The following DNAH6 variants were observed in gnomAD, a reference collection of about 807,000 sequenced individuals.
DNAH6 encodes dynein axonemal heavy chain 6, also known as axonemal beta dynein heavy chain 6.
A neutral mutation model predicts 491.4 loss-of-function variants in DNAH6; 340 were observed. That is an observed-to-expected ratio of 0.69 (90% CI 0.63 to 0.76). The LOEUF (loss-of-function observed/expected upper bound fraction) is 0.76, where lower values mean the gene tolerates loss of function less well. DNAH6 is among the 30% of genes least tolerant of loss of function. DNAH6 has a pLI of 0.00. For missense variants in DNAH6, 4,443 were observed against 4,972.2 expected, an observed-to-expected ratio of 0.89 and a Z score of 3.20; for synonymous variants, 1,603 against 1,686.1, an observed-to-expected ratio of 0.95 and a Z score of 1.21.
chr2:84,658,200 A>G lies in DNAH6; in HGVS notation c.5758-92A>G, dbSNP rs572504586. On this transcript the variant is annotated intron_variant, in intron 35 of 76. Coordinates refer to ENST00000389394, the MANE Select transcript of DNAH6 (RefSeq NM_001370.2). ...GCCTTTGGTCTAAAGGTCACTGAATATATAGAAATATCCAGATTTTAACCA... is the reference window on the plus strand; with the variant it reads ...GCCTTTGGTCTAAAGGTCACTGAATGTATAGAAATATCCAGATTTTAACCA... 171 of 828,740 alleles carry G rather than the reference A, an allele frequency of 2.1e-4. No individual in the cohort carries two copies. The African/African-American group carries it at 2.8e-3, about 14-fold the overall frequency. 51.3% of individuals were successfully genotyped at this position (828,740 alleles called of 1,614,324 possible). A position where few individuals can be genotyped will look rare whatever the true frequency, so the allele number is the denominator to read the frequency against.
intron 37 of DNAH6, among the ~76,000 whole-genome samples, chr2:84,660,870 A>G (rs1014211742): frequency 6.6e-6 from 1 of 152,166 alleles, no homozygotes; most frequent in Non-Finnish European, 1.5e-5. Context: ...TAAGAGACAA[A>G]GTTGAGAGAC....
intron 59 of DNAH6, among the ~76,000 whole-genome samples, chr2:84,721,864 G>A (rs1698195524): frequency 1.3e-5 from 2 of 152,142 alleles, no homozygotes; most frequent in Admixed American, 1.3e-4. Flanking sequence ...TTTCTAGAGA[G>A]AAAAGGATTT....
chr2:84,557,938 A>C lies in DNAH6; in HGVS notation c.1803+3A>C. ...ACACAATTATTTCTCAAATAAAGGT[A>C]TGTTTACTCTGACTAAAACTATTCT... On this transcript the variant is annotated splice_donor_region_variant and intron_variant, in intron 11 of 76. Transcript: ENST00000389394. 6.3e-7 allele frequency: 1 copy of C among 1,578,772 alleles called. No individual in the cohort carries two copies. Among genetic ancestry groups the C allele is most frequent in the Admixed American group, 1.7e-5 (1 of 59,908 alleles).
rs115034113 is a variant in DNAH6, at chr2:84,767,047, G to A, written c.10703+4102G>A. On this transcript the variant is annotated intron_variant, in intron 64 of 76. Coordinates refer to ENST00000389394, the MANE Select transcript of DNAH6 (RefSeq NM_001370.2). Reference sequence around the variant, plus strand: ...GAAAATTTTAGCTGCACAAGGAAATGTATACAAGAGAACCCCGGACTACAT... The same window carrying A: ...GAAAATTTTAGCTGCACAAGGAAATATATACAAGAGAACCCCGGACTACAT... 8.4e-3 allele frequency among the ~76,000 whole-genome samples: 1,280 copies of A among 152,220 alleles called. 25 individuals carry two copies. The highest frequency in any genetic ancestry group is 0.029 in the African/African-American group (1,196 of 41,522).
At chr2:84,725,597 T>A (rs914740540) in intron 60 of DNAH6, among the ~76,000 whole-genome samples, 2 of 152,196 alleles carry the variant, frequency 1.3e-5, no homozygotes, top group African/African-American at 4.8e-5. Flanking sequence ...GCTCTTCAAG[T>A]TTTTAAAATC....
the DNAH6 span, among the ~76,000 whole-genome samples, chr2:84,507,219 GT>G: frequency 6.6e-6 from 1 of 152,106 alleles, no homozygotes; most frequent in Non-Finnish European, 1.5e-5. Flanking sequence ...TCTTCCATTT[GT>G]TTGTATCCTC....
At chr2:84,620,223 G>A (rs1687263005) in intron 24 of DNAH6, among the ~76,000 whole-genome samples, 1 of 152,122 alleles carries the variant, frequency 6.6e-6, no homozygotes, top group South Asian at 2.1e-4. Context: ...CTACTATCAG[G>A]CCACTTGGAC....
chr2:84,748,768 G>A (rs1673192096), intron 63 of DNAH6, among the ~76,000 whole-genome samples: 1 of 152,146 alleles, frequency 6.6e-6, no homozygotes, highest in South Asian at 2.1e-4. Context: ...CCAACTTTCT[G>A]TATTGGTCCA....
chr2:84,539,220 C>T (rs770744505), intron 4 of DNAH6, among the ~76,000 whole-genome samples: 1 of 151,912 alleles, frequency 6.6e-6, no homozygotes, highest in Non-Finnish European at 1.5e-5. Flanking sequence ...AGAAATAAAA[C>T]AAGCATTTCT....
chr2:84,553,410 TTTCTTTCTTTCTTTCTTTCTTTC>T (rs1679673219), intron 10 of DNAH6, among the ~76,000 whole-genome samples: 1 of 149,260 alleles, frequency 6.7e-6, no homozygotes, highest in Non-Finnish European at 1.5e-5. Context: ...TCTTTCTTTC[TTTCTTTCTTTCTTTCTTTCTTTC>T]TTTTTCTCTT....
At chr2:84,523,203 T>A (rs1391957771) in intron 2 of DNAH6, among the ~76,000 whole-genome samples, 2 of 152,118 alleles carry the variant, frequency 1.3e-5, no homozygotes, top group Non-Finnish European at 2.9e-5. Flanking sequence ...TGTCCAGGAA[T>A]TTATCCATCC....
At chr2:84,602,353 T>C (rs1361134169) in intron 18 of DNAH6, among the ~76,000 whole-genome samples, 1 of 152,102 alleles carries the variant, frequency 6.6e-6, no homozygotes, top group Admixed American at 6.6e-5. Flanking sequence ...GGTATATAAT[T>C]CTGAGACAAC....
chr2:84,711,271 C>T (rs1697020572), intron 56 of DNAH6, among the ~76,000 whole-genome samples: 1 of 152,102 alleles, frequency 6.6e-6, no homozygotes, highest in Non-Finnish European at 1.5e-5. Context: ...AAGGGCTTCC[C>T]CAGCAAAGGG....
chr2:84,523,486 T>A (rs1676332894), intron 2 of DNAH6, among the ~76,000 whole-genome samples: 1 of 152,038 alleles, frequency 6.6e-6, no homozygotes, highest in Non-Finnish European at 1.5e-5. Context: ...TTCTTTCTTG[T>A]CTTCTGCTAC....
At chr2:84,762,711 A>G (rs1419999158) in intron 63 of DNAH6, 44 bp from the exon 64 acceptor site, 1 of 1,319,520 alleles carries the variant, frequency 7.6e-7, no homozygotes, top group Non-Finnish European at 1.1e-6. Flanking sequence ...AAAATTATGA[A>G]GGATCCTCAT....
chr2:84,812,921 G>A, intron 73 of DNAH6, 137 bp from the exon 74 acceptor site: 1 of 681,104 alleles, frequency 1.5e-6, no homozygotes, highest in East Asian at 2.7e-5. Flanking sequence ...GCGGCAGGCA[G>A]TGAAATGGGG....
At chr2:84,771,637 A>G (rs1675631063) in intron 64 of DNAH6, among the ~76,000 whole-genome samples, 1 of 152,232 alleles carries the variant, frequency 6.6e-6, no homozygotes, top group South Asian at 2.1e-4. Context: ...GATTCTCATC[A>G]GAATCCATGA....
intron 3 of DNAH6, 27 bp downstream of exon 3, chr2:84,525,765 T>A: frequency 2.7e-6 from 4 of 1,486,272 alleles, no homozygotes; most frequent in Non-Finnish European, 3.6e-6. Context: ...CTTAATTGAT[T>A]CTTTTAACTT....
intron 62 of DNAH6, among the ~76,000 whole-genome samples, chr2:84,735,508 G>A (rs372046680): frequency 1.3e-5 from 2 of 152,144 alleles, no homozygotes; most frequent in South Asian, 2.1e-4. Flanking sequence ...TGTATTCTCA[G>A]CAACAGTATG....
Sources: allele counts gnomAD v4.1 joint callset (sites outside exome capture counted in the v4.1 genomes callset), GRCh38; gene constraint gnomAD v4.1.1; transcripts MANE v1.5; gene names NCBI Gene and HGNC (gene_info 2026-07-23, HGNC 2026-07-21).